The following GRIK4 variants were observed in gnomAD, a reference collection of about 807,000 sequenced individuals.
GRIK4 encodes glutamate receptor ionotropic, kainate 4.
A neutral mutation model predicts 104.9 loss-of-function variants in GRIK4; 40 were observed. That is an observed-to-expected ratio of 0.38 (90% CI 0.30 to 0.50). GRIK4 has a LOEUF of 0.50. Among genes scored for constraint, GRIK4 ranks in the 20% least tolerant of loss-of-function variants. The pLI is 0.93. For missense variants in GRIK4, 1,047 were observed against 1,308.1 expected, an observed-to-expected ratio of 0.80 and a Z score of 3.08; for synonymous variants, 485 against 524.9, an observed-to-expected ratio of 0.92 and a Z score of 1.04.
At chr11:120,887,077 TG>T (rs765442539) in intron 11 of GRIK4, among the ~76,000 whole-genome samples, 1 of 152,376 alleles carries the variant, frequency 6.6e-6, no homozygotes, top group South Asian at 2.1e-4. Context: ...TTCTATCTAT[TG>T]GGCAGAAATC....
At chr11:120,890,258 G>C (rs114610791) in intron 11 of GRIK4, among the ~76,000 whole-genome samples, 2,067 of 152,286 alleles carry the variant, frequency 0.014, 39 homozygotes, top group African/African-American at 0.047. Context: ...GATGGAGAAG[G>C]TTCAGAGAGG....
rs560627085 is a variant in GRIK4 at position 120,897,443 on chromosome 11, G to A, written c.1165-1089G>A. ...AGGCCAGGAGTTTTGAGACCAGCCT[G>A]GCCAAGATGGTGAAACCCCATCTCT... On this transcript the variant is annotated intron_variant, in intron 11 of 20. Coordinates refer to ENST00000527524, the MANE Select transcript of GRIK4 (RefSeq NM_014619.5). 1.9e-3 allele frequency among the ~76,000 whole-genome samples: 288 copies of A among 151,278 alleles called. 2 individuals carry two copies. Among genetic ancestry groups the A allele is most frequent in the African/African-American group, 6.4e-3 (266 of 41,258 alleles).
intron 1 of GRIK4, among the ~76,000 whole-genome samples, chr11:120,622,487 C>T (rs916355427): frequency 4.6e-5 from 7 of 152,220 alleles, no homozygotes; most frequent in Non-Finnish European, 8.8e-5. Flanking sequence ...AAATACTTTT[C>T]CAAGCCTAAC....
intron 1 of GRIK4, among the ~76,000 whole-genome samples, chr11:120,598,522 A>G (rs1165545979): frequency 6.6e-6 from 1 of 152,236 alleles, no homozygotes; most frequent in Non-Finnish European, 1.5e-5. Flanking sequence ...AACTCCCACC[A>G]TATGACAAAT....
At chr11:120,787,824 A>G (rs1266789749) in intron 3 of GRIK4, among the ~76,000 whole-genome samples, 1 of 120,882 alleles carries the variant, frequency 8.3e-6, no homozygotes, top group Non-Finnish European at 1.8e-5. Context: ...GCCTTGCATT[A>G]TATTTCTTCT....
chr11:120,584,696 T>C (rs1403205611), intron 1 of GRIK4, among the ~76,000 whole-genome samples: 3 of 152,330 alleles, frequency 2.0e-5, no homozygotes, highest in Admixed American at 2.0e-4. Context: ...AGGACAAATA[T>C]CCAAACTGTA....
At chr11:120,859,313 T>C (rs1954199555) in intron 8 of GRIK4, 1 of 152,134 alleles carries the variant, frequency 6.6e-6, no homozygotes, top group Non-Finnish European at 1.5e-5. Context: ...TTGCTAATAT[T>C]GTTTCTTTTT....
chr11:120,624,846 A>AC (rs1949236835), intron 1 of GRIK4, among the ~76,000 whole-genome samples: 1 of 152,162 alleles, frequency 6.6e-6, no homozygotes, highest in Admixed American at 6.5e-5. Flanking sequence ...CACAGAAATA[A>AC]AGACACCTTC....
At chr11:120,705,778 A>G (rs759587341) in intron 3 of GRIK4, among the ~76,000 whole-genome samples, 11 of 152,186 alleles carry the variant, frequency 7.2e-5, no homozygotes, top group Non-Finnish European at 1.2e-4. Context: ...GCTATCGTAA[A>G]TGGAAATATT....
chr11:120,612,006 G>A (rs17124061), intron 1 of GRIK4, among the ~76,000 whole-genome samples: 4,475 of 152,230 alleles, frequency 0.029, 405 homozygotes, highest in East Asian at 0.21. Flanking sequence ...CCTCCTTGCA[G>A]GGCCGATTGT....
At chr11:120,514,631 G>A (rs1222936278) in intron 1 of GRIK4, among the ~76,000 whole-genome samples, 3 of 152,080 alleles carry the variant, frequency 2.0e-5, no homozygotes, top group Non-Finnish European at 4.4e-5. Flanking sequence ...AGTCTCCTCA[G>A]CCTTAGACTG....
At chr11:120,761,021 A>G (rs568527600) in intron 3 of GRIK4, among the ~76,000 whole-genome samples, 5 of 152,310 alleles carry the variant, frequency 3.3e-5, no homozygotes, top group South Asian at 2.1e-4. Context: ...AGGAATCGCC[A>G]CACTGTCTTC....
intron 3 of GRIK4, among the ~76,000 whole-genome samples, chr11:120,758,888 T>C (rs988413375): frequency 2.0e-5 from 3 of 152,198 alleles, no homozygotes; most frequent in Non-Finnish European, 4.4e-5. Flanking sequence ...AGTCAGCACC[T>C]AATTGCCAGG....
At chr11:120,564,669 A>T (rs1336179054) in intron 1 of GRIK4, 1 of 152,212 alleles carries the variant, frequency 6.6e-6, no homozygotes, top group African/African-American at 2.4e-5. Flanking sequence ...CCGCGAGGGC[A>T]GCGCCCGCGG....
At chr11:120,723,777 G>C (rs1950975015) in intron 3 of GRIK4, among the ~76,000 whole-genome samples, 1 of 146,592 alleles carries the variant, frequency 6.8e-6, no homozygotes, top group Non-Finnish European at 1.5e-5. Context: ...GTGGTTCTTG[G>C]TAAGGGTAGC....
At chr11:120,597,675 G>T (rs528705458) in intron 1 of GRIK4, among the ~76,000 whole-genome samples, 22 of 152,138 alleles carry the variant, frequency 1.4e-4, no homozygotes, top group Admixed American at 1.2e-3. Flanking sequence ...TGGGCCATGC[G>T]TGCTGCCTGT....
intron 3 of GRIK4, among the ~76,000 whole-genome samples, chr11:120,762,838 G>A (rs781022458): frequency 3.3e-5 from 5 of 152,140 alleles, no homozygotes; most frequent in African/African-American, 9.7e-5. Context: ...GATTTGGTTC[G>A]TTAGTATTTT....
chr11:120,620,864 G>A (rs1017267518), intron 1 of GRIK4, among the ~76,000 whole-genome samples: 2 of 152,038 alleles, frequency 1.3e-5, no homozygotes, highest in South Asian at 4.2e-4. Context: ...TTTGCAATAC[G>A]ATCTCATTCA....
At chr11:120,683,218 G>C (rs1413775809) in intron 3 of GRIK4, among the ~76,000 whole-genome samples, 1 of 152,180 alleles carries the variant, frequency 6.6e-6, no homozygotes, top group Non-Finnish European at 1.5e-5. Context: ...CCAGGCCAGA[G>C]ATGATGTTGG....
Sources: gnomAD v4.1 joint callset for allele counts (sites outside exome capture counted in the v4.1 genomes callset) on GRCh38, gnomAD v4.1.1 for gene constraint, MANE v1.5 for transcripts, NCBI Gene and HGNC (gene_info 2026-07-23, HGNC 2026-07-21) for gene names.